The following TFEC variants were observed in gnomAD, a reference collection of about 807,000 sequenced individuals.
TFEC encodes class E basic helix-loop-helix protein 34.
TFEC carries 31 observed loss-of-function variants against 41.6 expected under a neutral mutation model. That is an observed-to-expected ratio of 0.74 (90% CI 0.56 to 1.01). The LOEUF is 1.01. Ranked by LOEUF, TFEC falls within the 50% of genes least tolerant of loss-of-function variation. TFEC has a pLI of 0.00. For synonymous variants in TFEC, 143 were observed against 140.6 expected, an observed-to-expected ratio of 1.02 and a Z score of -0.12; for missense variants, 402 against 404.1, an observed-to-expected ratio of 0.99 and a Z score of 0.04.
chr7:116,103,474 A>G (rs1416324633), intron 3 of TFEC, among the ~76,000 whole-genome samples: 2 of 152,226 alleles, frequency 1.3e-5, no homozygotes, highest in Non-Finnish European at 2.9e-5. Flanking sequence ...TAGCTGTTCA[A>G]TCTAGTGAGC....
At chr7:116,060,481 G>A (rs1796527921) in intron 3 of TFEC, among the ~76,000 whole-genome samples, 1 of 152,090 alleles carries the variant, frequency 6.6e-6, no homozygotes, top group Non-Finnish European at 1.5e-5. Flanking sequence ...ATCAATGACA[G>A]GTGGGATTAA....
intron 3 of TFEC, among the ~76,000 whole-genome samples, chr7:116,073,445 T>C (rs970547257): frequency 6.6e-6 from 1 of 151,492 alleles, no homozygotes. Context: ...AAACTTGGAG[T>C]ATTTTTCTTT....
At chr7:116,145,876 C>T (rs1268452269) in intron 1 of TFEC, among the ~76,000 whole-genome samples, 1 of 152,158 alleles carries the variant, frequency 6.6e-6, no homozygotes, top group Non-Finnish European at 1.5e-5. Flanking sequence ...TAAAGTAAGA[C>T]TTTAAGACTC....
chr7:115,950,918 G>T lies in TFEC; in HGVS notation c.471C>A (p.Tyr157Ter), dbSNP rs758275636. 6.2e-7 allele frequency: 1 copy of T among 1,602,064 alleles called. No homozygotes were observed. The highest frequency in any genetic ancestry group is 8.5e-7 in the Non-Finnish European group (1 of 1,172,486). Reference sequence around the variant, plus strand: ...TAAGAGTGCCAAGCTCCTTGATTCGGTAATTAATATTATACCTTCTTCTTC... The same window carrying T: ...TAAGAGTGCCAAGCTCCTTGATTCGTTAATTAATATTATACCTTCTTCTTC... ...IERRRRYNIN[Y>*]RIKELGTLIP... The change falls in exon 6 of 8, where the codon TAC (tyrosine) becomes TAA (stop). Residue 157 changes from tyrosine to a stop codon, truncating the protein, a stop_gained. Transcript: ENST00000265440. LOFTEE classifies it high-confidence loss of function.
intron 1 of TFEC, among the ~76,000 whole-genome samples, chr7:116,131,023 C>A (rs903922394): frequency 6.6e-6 from 1 of 152,182 alleles, no homozygotes; most frequent in African/African-American, 2.4e-5. Context: ...TATGGATGAA[C>A]TTTCCTTTTA....
intron 1 of TFEC, among the ~76,000 whole-genome samples, chr7:116,129,586 C>CTTTTTTT (rs932837265): frequency 1.3e-4 from 14 of 106,898 alleles, no homozygotes; most frequent in African/African-American, 2.0e-4. Context: ...AATATTCTTA[C>CTTTTTTT]TTTTTTTTTT....
chr7:116,062,131 G>C (rs1179509453), intron 3 of TFEC, among the ~76,000 whole-genome samples: 2 of 148,572 alleles, frequency 1.3e-5, no homozygotes, highest in Non-Finnish European at 3.0e-5. Context: ...TGTGATCTTG[G>C]CTCACTGCAG....
intron 3 of TFEC, among the ~76,000 whole-genome samples, chr7:116,043,799 C>A (rs914067816): frequency 1.3e-5 from 2 of 152,068 alleles, no homozygotes; most frequent in African/African-American, 4.8e-5. Flanking sequence ...ACTGAGAAAT[C>A]CAAAGTCAGC....
At position 115,956,690 on chromosome 7, in the gene TFEC, C is replaced by T; in HGVS notation, c.371G>A (p.Arg124Lys). 6.2e-7 allele frequency: 1 copy of T among 1,601,436 alleles called. No homozygotes were observed. Among genetic ancestry groups the T allele is most frequent in the Non-Finnish European group, 8.5e-7 (1 of 1,174,714 alleles). The part of the protein sequence containing the change: ...ASCPSSLPMK[R>K]EITETDTRAL... ...AAAAGCAACATTACCTGTAATTTCT[C>T]TTTTCATTGGTAGACTACTTGGACA... The change falls in exon 4 of 8, where the codon AGA (arginine) becomes AAA (lysine). Residue 124 changes from arginine to lysine, a missense_variant. Arg to Lys is a conservative substitution (Grantham distance 26, BLOSUM62 2). Coordinates refer to ENST00000265440, the MANE Select transcript of TFEC (RefSeq NM_012252.4).
chr7:116,157,755 T>C (rs764989109), intron 1 of TFEC, among the ~76,000 whole-genome samples: 2 of 152,080 alleles, frequency 1.3e-5, no homozygotes, highest in Non-Finnish European at 2.9e-5. Context: ...ATCCCCAAAT[T>C]CAATGGTCCA....
At chr7:115,969,326 C>T (rs956394990) in intron 3 of TFEC, among the ~76,000 whole-genome samples, 1 of 151,788 alleles carries the variant, frequency 6.6e-6, no homozygotes, top group Admixed American at 6.6e-5. Context: ...TAAAGAAGAT[C>T]ATTTGTGTTA....
chr7:116,154,937 G>C (rs924237923), intron 1 of TFEC, among the ~76,000 whole-genome samples: 1 of 152,174 alleles, frequency 6.6e-6, no homozygotes, highest in African/African-American at 2.4e-5. Flanking sequence ...CTTGGCCCTG[G>C]TTTTTCCTCT....
At chr7:116,096,319 T>G (rs1797459207) in intron 3 of TFEC, among the ~76,000 whole-genome samples, 1 of 152,246 alleles carries the variant, frequency 6.6e-6, no homozygotes, top group African/African-American at 2.4e-5. Flanking sequence ...TGCTATTACC[T>G]TCATACTTGT....
intron 1 of TFEC, among the ~76,000 whole-genome samples, chr7:116,013,502 C>T (rs770902187): frequency 6.6e-6 from 1 of 152,092 alleles, no homozygotes; most frequent in Non-Finnish European, 1.5e-5. Flanking sequence ...GAATGCAAAA[C>T]AATAGCCACA....
intron 1 of TFEC, among the ~76,000 whole-genome samples, chr7:116,131,809 T>G (rs1322412583): frequency 3.3e-5 from 5 of 152,200 alleles, no homozygotes; most frequent in Non-Finnish European, 7.4e-5. Context: ...AGGTATCCAT[T>G]GCAATAATGA....
At chr7:115,967,801 GAA>G (rs1308042252) in intron 3 of TFEC, among the ~76,000 whole-genome samples, 1 of 151,660 alleles carries the variant, frequency 6.6e-6, no homozygotes, top group Non-Finnish European at 1.5e-5. Context: ...ATAAAACAAA[GAA>G]TGATAATTTA....
intron 3 of TFEC, among the ~76,000 whole-genome samples, chr7:115,961,953 G>A (rs760537444): frequency 1.3e-5 from 2 of 151,146 alleles, no homozygotes; most frequent in East Asian, 1.9e-4. Context: ...ATGCACACAC[G>A]CACATACACC....
At chr7:116,080,469 G>A (rs1562962269) in intron 3 of TFEC, among the ~76,000 whole-genome samples, 2 of 151,290 alleles carry the variant, frequency 1.3e-5, no homozygotes, top group Non-Finnish European at 3.0e-5. Context: ...CTAACAAATC[G>A]ATGAGAAGAA....
intron 1 of TFEC, among the ~76,000 whole-genome samples, chr7:116,127,010 T>C (rs1798224740): frequency 6.6e-6 from 1 of 152,204 alleles, no homozygotes; most frequent in South Asian, 2.1e-4. Flanking sequence ...TATTGGGCTT[T>C]ACCTTAATTT....
Sources: allele counts gnomAD v4.1 joint callset (sites outside exome capture counted in the v4.1 genomes callset), GRCh38; gene constraint gnomAD v4.1.1; transcripts MANE v1.5; gene names NCBI Gene and HGNC (gene_info 2026-07-23, HGNC 2026-07-21).